The following LPP variants were observed in gnomAD, a reference collection of about 807,000 sequenced individuals.
LPP encodes LIM domain containing preferred translocation partner in lipoma, also known as lipoma-preferred partner.
A neutral mutation model predicts 60.4 loss-of-function variants in LPP; 38 were observed. The observed-to-expected ratio is 0.63, with a 90% confidence interval of 0.49 to 0.83. LPP has a LOEUF of 0.83. Among genes scored for constraint, LPP ranks in the 40% least tolerant of loss-of-function variants. The pLI is 0.00. For missense variants in LPP, 902 were observed against 783.6 expected (o/e 1.15, Z -1.80); for synonymous variants, 328 against 290.8 (o/e 1.13, Z -1.30).
At chr3:188,687,174 G>A (rs1860944707) in intron 7 of LPP, among the ~76,000 whole-genome samples, 1 of 152,072 alleles carries the variant, frequency 6.6e-6, no homozygotes, top group Non-Finnish European at 1.5e-5. Context: ...ATCTAGTTCG[G>A]TTTCAGCTGC....
chr3:188,694,697 CAA>C (rs1346492955), intron 7 of LPP, among the ~76,000 whole-genome samples: 2 of 112,580 alleles, frequency 1.8e-5, no homozygotes, highest in African/African-American at 3.0e-5. Context: ...AACTCCATCT[CAA>C]AAAAAAAAAA....
chr3:188,175,196 C>G (rs1390745687), intron 1 of LPP, among the ~76,000 whole-genome samples: 1 of 152,172 alleles, frequency 6.6e-6, no homozygotes, highest in African/African-American at 2.4e-5. Flanking sequence ...GGCGATTCTC[C>G]TACCTCAGCC....
chr3:188,275,777 G>C (rs902629904), intron 2 of LPP, among the ~76,000 whole-genome samples: 1 of 152,102 alleles, frequency 6.6e-6, no homozygotes, highest in African/African-American at 2.4e-5. Context: ...CCAGGTTCAA[G>C]CGATTCTCCT....
intron 4 of LPP, among the ~76,000 whole-genome samples, chr3:188,449,710 G>A (rs757454104): frequency 1.6e-4 from 25 of 152,066 alleles, no homozygotes; most frequent in Non-Finnish European, 3.1e-4. Context: ...ATGGTTCTGT[G>A]CTATCGATCT....
intron 9 of LPP, among the ~76,000 whole-genome samples, chr3:188,762,435 A>G (rs984371254): frequency 3.3e-5 from 5 of 152,202 alleles, no homozygotes; most frequent in African/African-American, 1.2e-4. Context: ...GGAACCTTAC[A>G]TGTGCAGTGA....
chr3:188,230,441 A>G (rs1323127568), intron 2 of LPP, among the ~76,000 whole-genome samples: 1 of 152,152 alleles, frequency 6.6e-6, no homozygotes, highest in African/African-American at 2.4e-5. Flanking sequence ...GGAAATTGAG[A>G]TAAATTATAG....
intron 2 of LPP, among the ~76,000 whole-genome samples, chr3:188,239,449 A>G (rs1260479224): frequency 2.6e-5 from 4 of 152,230 alleles, no homozygotes; most frequent in Non-Finnish European, 5.9e-5. Context: ...AAGGAATCCC[A>G]GGCAAATCAG....
chr3:188,211,517 G>C (rs1046620767), intron 1 of LPP, among the ~76,000 whole-genome samples: 1 of 152,078 alleles, frequency 6.6e-6, no homozygotes, highest in African/African-American at 2.4e-5. Flanking sequence ...ATTTCCCCTA[G>C]TGTCTGATCT....
chr3:188,249,884 CATATAT>C (rs71167082), intron 2 of LPP, among the ~76,000 whole-genome samples: 6 of 117,236 alleles, frequency 5.1e-5, no homozygotes, highest in South Asian at 5.3e-4. Flanking sequence ...TCCCCCACCC[CATATAT>C]ATATATATAT....
chr3:188,207,772 C>T (rs552362843), intron 1 of LPP, among the ~76,000 whole-genome samples: 4 of 152,090 alleles, frequency 2.6e-5, no homozygotes, highest in African/African-American at 4.8e-5. Flanking sequence ...TTCCTTCTGT[C>T]GGAATGCCCT....
chr3:188,839,454 A>G (rs1265478619), intron 9 of LPP, among the ~76,000 whole-genome samples: 1 of 152,204 alleles, frequency 6.6e-6, no homozygotes, highest in Admixed American at 6.5e-5. Context: ...CTAGCAGTAA[A>G]TGTAATCATT....
rs569948913 is a variant in LPP, at chr3:188,864,049, T to G, written c.1411-2151T>G. Among the ~76,000 whole-genome samples, 8 of 151,424 alleles carry G rather than the reference T, an allele frequency of 5.3e-5. No homozygotes were observed. The South Asian group carries it at 1.7e-3, about 32-fold the overall frequency. On this transcript the variant is annotated intron_variant, in intron 9 of 11. Transcript: ENST00000617246. ...GCCACATTAGCTCACATTGTCAGGG[T>G]AGAAAAGAAACAGGCCCTCATTCTT...
At chr3:188,447,963 A>T (rs1276998527) in intron 4 of LPP, among the ~76,000 whole-genome samples, 1 of 152,208 alleles carries the variant, frequency 6.6e-6, no homozygotes, top group African/African-American at 2.4e-5. Context: ...CCCAAGCCTC[A>T]ACCACATAGA....
chr3:188,643,087 A>C lies in LPP; in HGVS notation c.1113+33243A>C, dbSNP rs553811525. On this transcript the variant is annotated intron_variant, in intron 7 of 11. Transcript: ENST00000617246. ...TTGAGACTAGGAATGAATGAGAGGA[A>C]ACTTTTGATTCTTACTACATAGGTT... is the stretch of plus-strand genomic sequence containing the variant. Among the ~76,000 whole-genome samples the C allele has an allele frequency of 2.8e-4, 42 of 152,298 alleles. No individual in the cohort carries two copies. In the South Asian group the frequency reaches 8.7e-3, roughly 32 times the overall value.
intron 7 of LPP, among the ~76,000 whole-genome samples, chr3:188,665,000 C>T (rs1051558597): frequency 9.9e-5 from 15 of 152,220 alleles, no homozygotes; most frequent in East Asian, 5.8e-4. Flanking sequence ...CAGTGTAGTA[C>T]GCCCTCTAGA....
intron 2 of LPP, among the ~76,000 whole-genome samples, chr3:188,234,956 G>T (rs560807282): frequency 6.6e-6 from 1 of 152,290 alleles, no homozygotes; most frequent in East Asian, 1.9e-4. Flanking sequence ...CAGACAAAAT[G>T]CTTAGCTCTC....
Position 188,881,552 on chromosome 3 carries a change from A to C in LPP, c.*7073A>C. 4.6e-6 allele frequency: 1 copy of C among 216,552 alleles called. No individual in the cohort carries two copies. Among genetic ancestry groups the C allele is most frequent in the Non-Finnish European group, 9.3e-6 (1 of 107,454 alleles). The allele number at this position is 216,552 out of a possible 1,614,324, so 13.4% of individuals were successfully genotyped here. On this transcript the variant is annotated 3_prime_UTR_variant, in exon 12 of 12. Coordinates refer to ENST00000617246, the MANE Select transcript of LPP (RefSeq NM_001375462.1). ...CACCCAAAGAGAATTTCCCCAAAAA[A>C]CCTCAGACCCAGAAGTGTAAAAGCT...
At chr3:188,528,653 A>T (rs531985290) in intron 6 of LPP, among the ~76,000 whole-genome samples, 23 of 152,266 alleles carry the variant, frequency 1.5e-4, no homozygotes, top group Middle Eastern at 6.8e-3. Flanking sequence ...CAGTTCTGAG[A>T]TGTGCGTGAT....
chr3:188,422,093 G>C (rs1787963306), intron 4 of LPP, among the ~76,000 whole-genome samples: 1 of 152,056 alleles, frequency 6.6e-6, no homozygotes, highest in Non-Finnish European at 1.5e-5. Context: ...CTTTTGCTCT[G>C]GCCTTGACCA....
Sources: allele counts gnomAD v4.1 joint callset (sites outside exome capture counted in the v4.1 genomes callset), GRCh38; gene constraint gnomAD v4.1.1; transcripts MANE v1.5; gene names NCBI Gene and HGNC (gene_info 2026-07-23, HGNC 2026-07-21).